TTYH3: variants seen among roughly 807,000 people sequenced by gnomAD.
TTYH3 encodes the protein tweety family member 3.
In TTYH3, 23 loss-of-function variants were observed where a neutral mutation model predicts 68.2. That is an observed-to-expected ratio of 0.34 (90% CI 0.24 to 0.48). TTYH3 has a LOEUF of 0.48. Among genes scored for constraint, TTYH3 ranks in the 20% least tolerant of loss-of-function variants. TTYH3 has a pLI of 0.99. For missense variants in TTYH3, 768 were observed against 727.7 expected (o/e 1.06, Z -0.64); for synonymous variants, 360 against 332.8 (o/e 1.08, Z -0.89).
At chr7:2,661,535 C>T (rs1786496482) in intron 13 of TTYH3, 133 bp from the exon 14 acceptor site, 6 of 898,720 alleles carry the variant, frequency 6.7e-6, no homozygotes, top group Non-Finnish European at 1.0e-5. Context: ...TAGGCTCTGT[C>T]AGGGCACCCT....
rs769018366 is a variant in TTYH3 at position 2,661,706 on chromosome 7, C to T, written c.1539C>T (p.Ser513=). 1.9e-6 allele frequency: 3 copies of T among 1,611,784 alleles called. No individual in the cohort carries two copies. The highest frequency in any genetic ancestry group is 1.1e-5 in the South Asian group (1 of 90,992). The change falls in exon 14 of 14, where the codon AGC becomes AGT. Residue 513 remains serine, a synonymous_variant. Transcript: ENST00000258796. The part of the protein sequence containing the change: ...SSMRAKYLAT[S]QPRPDSSGSH ...TGAGAGCCAAATACCTCGCCACGAG[C>T]CAGCCTCGCCCTGACTCCAGCGGCA...
At chr7:2,636,675 C>T (rs945224074) in intron 1 of TTYH3, among the ~76,000 whole-genome samples, 1 of 152,110 alleles carries the variant, frequency 6.6e-6, no homozygotes, top group Non-Finnish European at 1.5e-5. Flanking sequence ...GGCAGGAAGC[C>T]CCTGATGGCT....
Position 2,649,953 on chromosome 7 carries a change from C to G in TTYH3, c.836C>G (p.Thr279Ser), listed in dbSNP as rs2114989112. 1.9e-6 allele frequency: 3 copies of G among 1,613,996 alleles called. No homozygotes were observed. The highest frequency in any genetic ancestry group is 2.5e-6 in the Non-Finnish European group (3 of 1,179,954). ...TGTGTGGACCCTGACGCCTACGTGA[C>G]CAAAATGGTGGAGGAGTACTCGGTG... ...DFCVDPDAYV[T>S]KMVEEYSVLS... The change falls in exon 7 of 14, where the codon ACC becomes AGC. Residue 279 changes from threonine (T) to serine (S), a missense_variant. Physicochemically the swap from Thr to Ser is moderately conservative, Grantham distance 58. Transcript: ENST00000258796.
At chr7:2,639,331 A>G (rs1350221656) in intron 1 of TTYH3, among the ~76,000 whole-genome samples, 1 of 152,124 alleles carries the variant, frequency 6.6e-6, no homozygotes, top group Non-Finnish European at 1.5e-5. Context: ...TGCCGCCTGG[A>G]CCCTGTGCCA....
rs1785537047 is a variant in TTYH3 at position 2,632,099 on chromosome 7, G to A, written c.-57G>A. 1 of 1,250,030 alleles carries A rather than the reference G, an allele frequency of 8.0e-7. No individual in the cohort carries two copies. 77.4% of individuals were successfully genotyped at this position (1,250,030 alleles called of 1,614,324 possible). A position where few individuals can be genotyped will look rare whatever the true frequency, so the allele number is the denominator to read the frequency against. ...ACGGGTCCCTGAAGCCCGCGCCCCG[G>A]GCCAGCAAGGGAGCCCCGCGCAGGC... On this transcript the variant is annotated 5_prime_UTR_variant, in exon 1 of 14. Transcript: ENST00000258796.
chr7:2,650,544 T>C (rs529917694), intron 7 of TTYH3, among the ~76,000 whole-genome samples: 3 of 151,954 alleles, frequency 2.0e-5, no homozygotes, highest in South Asian at 2.1e-4. Flanking sequence ...CACCACTGCA[T>C]TCCAGCCTGG....
chr7:2,647,986 G>A lies in TTYH3; in HGVS notation c.654G>A (p.Leu218=). ...GGCTGGGCTACCTGGGCCTGCTGCT[G>A]CTGGACGTCATCATCTGCCTCCTGG... ...YRWLGYLGLL[L]LDVIICLLVL... is the part of the protein sequence containing the mutation. The change falls in exon 5 of 14, where the codon CTG becomes CTA. Residue 218 remains leucine (L), a synonymous_variant. Coordinates refer to ENST00000258796, the MANE Select transcript of TTYH3 (RefSeq NM_025250.3). The A allele has an allele frequency of 1.2e-6, 2 of 1,610,312 alleles. No homozygotes were observed. The highest frequency in any genetic ancestry group is 8.5e-7 in the Non-Finnish European group (1 of 1,179,880).
At position 2,647,961 on chromosome 7, in the gene TTYH3, G is replaced by C. The variant is rs1207377841; in HGVS notation, c.629G>C (p.Trp210Ser). The C allele has an allele frequency of 1.9e-6, 3 of 1,607,706 alleles. No homozygotes were observed. In the African/African-American group the frequency reaches 4.0e-5, roughly 21 times the overall value. ...CGCACTCCCAGGTTTGCCTGCAGGTGGCTGGGCTACCTGGGCCTGCTGCTG... is the reference window on the plus strand; with the variant it reads ...CGCACTCCCAGGTTTGCCTGCAGGTCGCTGGGCTACCTGGGCCTGCTGCTG... Reference protein sequence around the residue: ...EQVDLYDWYRWLGYLGLLLLD... With the variant: ...EQVDLYDWYRSLGYLGLLLLD... Residue 210 changes from tryptophan to serine, a missense_variant and splice_region_variant, in exon 5 of 14, where the codon TGG (tryptophan) becomes TCG (serine). Coordinates refer to ENST00000258796, the MANE Select transcript of TTYH3 (RefSeq NM_025250.3).
intron 4 of TTYH3, 149 bp downstream of exon 4, chr7:2,647,787 C>T: frequency 9.3e-7 from 1 of 1,070,218 alleles, no homozygotes; most frequent in Admixed American, 2.2e-5. Context: ...GGCTGGAGTT[C>T]CCCTAATGGG....
chr7:2,647,230 A>C lies in TTYH3; in HGVS notation c.382A>C (p.Thr128Pro). 6.3e-7 allele frequency: 1 copy of C among 1,596,848 alleles called. No homozygotes were observed. The highest frequency in any genetic ancestry group is 1.1e-5 in the South Asian group (1 of 88,644). The change falls in exon 3 of 14, where the codon ACG becomes CCG. Residue 128 changes from threonine to proline, a missense_variant. Physicochemically the swap from Thr to Pro is conservative, Grantham distance 38. Coordinates refer to ENST00000258796, the MANE Select transcript of TTYH3 (RefSeq NM_025250.3). ...ATYSLRHANR[T>P]VAGVQDRVWD... The stretch of plus-strand genomic sequence containing the variant: ...CTACTCGCTCCGCCACGCCAACCGC[A>C]CGGTGGCCGGGGTCCAGGACCGCGT...
At chr7:2,652,059 ACACACATG>A (rs1786195803) in intron 7 of TTYH3, 120 bp from the exon 8 acceptor site, 1 of 757,168 alleles carries the variant, frequency 1.3e-6, no homozygotes, top group Non-Finnish European at 2.3e-6. Context: ...GTGCACACAG[ACACACATG>A]CACACATGTA....
chr7:2,651,591 C>T (rs534272906), intron 7 of TTYH3, among the ~76,000 whole-genome samples: 6 of 152,284 alleles, frequency 3.9e-5, no homozygotes, highest in South Asian at 4.1e-4. Context: ...CATGTACACA[C>T]GTAAGTGTGA....
Position 2,661,892 on chromosome 7 carries a change from C to T in TTYH3, c.*153C>T, listed in dbSNP as rs1029879182. 22 of 796,056 alleles carry T rather than the reference C, an allele frequency of 2.8e-5. No homozygotes were observed. The highest frequency in any genetic ancestry group is 1.1e-4 in the East Asian group (4 of 37,444). The allele number at this position is 796,056 out of a possible 1,614,324, so 49.3% of individuals were successfully genotyped here. A position where few individuals can be genotyped will look rare whatever the true frequency, so the allele number is the denominator to read the frequency against. On this transcript the variant is annotated 3_prime_UTR_variant, in exon 14 of 14. Coordinates refer to ENST00000258796, the MANE Select transcript of TTYH3 (RefSeq NM_025250.3). The stretch of plus-strand genomic sequence containing the variant: ...GCCGCTTGCCCTCCTGTCCCCTCCC[C>T]GCAGGGGCACAGTGGAGACGCAGGG...
intron 13 of TTYH3, chr7:2,660,456 G>T (rs765979497): frequency 6.4e-5 from 63 of 985,318 alleles, no homozygotes; most frequent in Non-Finnish European, 7.2e-5. Context: ...GGACAGGCAC[G>T]TGCCGGCGAG....
intron 1 of TTYH3, among the ~76,000 whole-genome samples, chr7:2,644,149 A>ACTTCCTG (rs1288230052): frequency 6.6e-6 from 1 of 152,102 alleles, no homozygotes; most frequent in Non-Finnish European, 1.5e-5. Flanking sequence ...AGACGTGGGC[A>ACTTCCTG]TGGGTCCTGT....
At chr7:2,648,228 G>T (rs546193924) in intron 5 of TTYH3, 174 bp downstream of exon 5, 2 of 622,624 alleles carry the variant, frequency 3.2e-6, no homozygotes, top group Middle Eastern at 4.4e-4. Flanking sequence ...TGTGCCTGTG[G>T]CCTGTGCCCC....
At chr7:2,649,754 C>A (rs1212147066) in intron 6 of TTYH3, 115 bp downstream of exon 6, 1 of 1,448,432 alleles carries the variant, frequency 6.9e-7, no homozygotes, top group Non-Finnish European at 9.5e-7. Flanking sequence ...GTCCCGAGAG[C>A]GGTGGGGACC....
At chr7:2,633,026 G>A (rs1047421658) in intron 1 of TTYH3, among the ~76,000 whole-genome samples, 3 of 152,098 alleles carry the variant, frequency 2.0e-5, no homozygotes, top group Non-Finnish European at 1.5e-5. Flanking sequence ...CCTGGGGGGC[G>A]GCTGGGGGCC....
At position 2,632,129 on chromosome 7, in the gene TTYH3, C is replaced by T. The variant is rs1421082517; in HGVS notation, c.-27C>T. 30 of 1,362,668 alleles carry T rather than the reference C, an allele frequency of 2.2e-5. No individual in the cohort carries two copies. Among genetic ancestry groups the T allele is most frequent in the Non-Finnish European group, 2.9e-5 (30 of 1,049,046 alleles). The allele number at this position is 1,362,668 out of a possible 1,614,324, so 84.4% of individuals were successfully genotyped here. A position where few individuals can be genotyped will look rare whatever the true frequency, so the allele number is the denominator to read the frequency against. ...GCAAGGGAGCCCCGCGCAGGCCGCGCGCATCCGGAGGCGGCCGGGCCCCGC... is the reference window on the plus strand; with the variant it reads ...GCAAGGGAGCCCCGCGCAGGCCGCGTGCATCCGGAGGCGGCCGGGCCCCGC... On this transcript the variant is annotated 5_prime_UTR_variant, in exon 1 of 14. Transcript: ENST00000258796.
Sources: gnomAD v4.1 joint callset for allele counts (sites outside exome capture counted in the v4.1 genomes callset) on GRCh38, gnomAD v4.1.1 for gene constraint, MANE v1.5 for transcripts, NCBI Gene and HGNC (gene_info 2026-07-23, HGNC 2026-07-21) for gene names.